DOCK1: variants seen among roughly 807,000 people sequenced by gnomAD.
DOCK1 encodes the protein dedicator of cytokinesis 1.
Under a neutral mutation model 262.7 loss-of-function variants are expected in DOCK1, and 138 were observed. That is an observed-to-expected ratio of 0.53 (90% CI 0.46 to 0.61). DOCK1 has a LOEUF of 0.61. Among genes scored for constraint, DOCK1 ranks in the 20% least tolerant of loss-of-function variants. The pLI, the probability that DOCK1 is intolerant of heterozygous loss-of-function variation, is 0.00. For missense variants in DOCK1, 1,908 were observed against 2,370.7 expected (o/e 0.80, Z 4.05); for synonymous variants, 866 against 867.4 (o/e 1.00, Z 0.03).
At chr10:126,919,040 C>G (rs575230732) in intron 1 of DOCK1, among the ~76,000 whole-genome samples, 1 of 149,026 alleles carries the variant, frequency 6.7e-6, no homozygotes, top group East Asian at 2.1e-4. Flanking sequence ...TCATTAGGAG[C>G]TGGCTGTGTT....
At chr10:127,081,058 A>G (rs964240519) in intron 23 of DOCK1, among the ~76,000 whole-genome samples, 3 of 152,202 alleles carry the variant, frequency 2.0e-5, no homozygotes, top group African/African-American at 7.2e-5. Flanking sequence ...TTTTGGCAAA[A>G]TAAATACTAT....
chr10:126,996,700 G>A (rs1311458002), intron 6 of DOCK1, 48 bp from the exon 7 acceptor site: 1 of 1,510,148 alleles, frequency 6.6e-7, no homozygotes, highest in Admixed American at 2.3e-5. Flanking sequence ...AGAAAATTCA[G>A]CCTCCTTGGT....
intron 29 of DOCK1, among the ~76,000 whole-genome samples, chr10:127,259,000 G>A (rs781041059): frequency 7.9e-5 from 12 of 152,212 alleles, no homozygotes; most frequent in Non-Finnish European, 1.5e-4. Flanking sequence ...CTTGTGTACC[G>A]TGGCTGCGGG....
At chr10:127,274,197 G>T (rs537557061) in intron 29 of DOCK1, among the ~76,000 whole-genome samples, 2 of 152,090 alleles carry the variant, frequency 1.3e-5, no homozygotes, top group Non-Finnish European at 2.9e-5. Flanking sequence ...CCTGGCTACC[G>T]TTGATATTCT....
intron 48 of DOCK1, among the ~76,000 whole-genome samples, chr10:127,438,748 G>T (rs890545447): frequency 6.6e-6 from 1 of 152,170 alleles, no homozygotes; most frequent in Non-Finnish European, 1.5e-5. Flanking sequence ...TCCTCCCATC[G>T]TAAATGAACA....
chr10:126,927,834 A>G (rs1014599007), intron 1 of DOCK1, among the ~76,000 whole-genome samples: 2 of 152,164 alleles, frequency 1.3e-5, no homozygotes, highest in Non-Finnish European at 2.9e-5. Context: ...GTGAAGAACA[A>G]CACCAGCTTG....
intron 29 of DOCK1, among the ~76,000 whole-genome samples, chr10:127,303,191 G>A (rs1009796897): frequency 6.6e-6 from 1 of 152,168 alleles, no homozygotes; most frequent in Admixed American, 6.6e-5. Flanking sequence ...CAACCTGGGT[G>A]GGGCAGGTGA....
At chr10:127,171,728 G>C (rs1307727739) in intron 27 of DOCK1, among the ~76,000 whole-genome samples, 1 of 152,088 alleles carries the variant, frequency 6.6e-6, no homozygotes, top group Non-Finnish European at 1.5e-5. Context: ...TTTTGAGATG[G>C]AGTCTCGCTC....
chr10:126,948,634 G>A (rs1591405008), intron 1 of DOCK1, among the ~76,000 whole-genome samples: 3 of 151,978 alleles, frequency 2.0e-5, no homozygotes, highest in Non-Finnish European at 2.9e-5. Flanking sequence ...GTTTCCCGAT[G>A]TGGGGTTGCA....
chr10:127,026,686 A>G (rs1157382857), intron 16 of DOCK1, among the ~76,000 whole-genome samples: 1 of 151,998 alleles, frequency 6.6e-6, no homozygotes, highest in Non-Finnish European at 1.5e-5. Context: ...TTCCGTGTTG[A>G]CTTGCCATCC....
intron 1 of DOCK1, among the ~76,000 whole-genome samples, chr10:126,924,595 A>G (rs2033532864): frequency 6.6e-6 from 1 of 152,216 alleles, no homozygotes; most frequent in Non-Finnish European, 1.5e-5. Flanking sequence ...TTAAAAAGCA[A>G]TTTAACAGAA....
chr10:127,062,603 G>A (rs2045607106), intron 23 of DOCK1, among the ~76,000 whole-genome samples: 2 of 152,178 alleles, frequency 1.3e-5, no homozygotes, highest in Non-Finnish European at 2.9e-5. Flanking sequence ...GAAAGGCCCC[G>A]GAGCCTCTTT....
At chr10:127,156,233 C>G (rs756437443) in intron 27 of DOCK1, among the ~76,000 whole-genome samples, 55 of 152,260 alleles carry the variant, frequency 3.6e-4, no homozygotes, top group Non-Finnish European at 7.4e-4. Flanking sequence ...GAGCCCTGAG[C>G]CTTCTAATTA....
intron 1 of DOCK1, among the ~76,000 whole-genome samples, chr10:126,916,088 A>G (rs112024744): frequency 1.1e-3 from 165 of 151,940 alleles, no homozygotes; most frequent in African/African-American, 3.6e-3. Flanking sequence ...AGCCTGAATA[A>G]TAGGGTCTGG....
intron 27 of DOCK1, among the ~76,000 whole-genome samples, chr10:127,236,152 A>C (rs2134626961): frequency 6.6e-6 from 1 of 152,252 alleles, no homozygotes; most frequent in South Asian, 2.1e-4. Flanking sequence ...TTAAAATTTT[A>C]TGTTTCATGC....
Position 127,248,100 on chromosome 10 carries a change from T to C in DOCK1, c.2940T>C (p.Thr980=), listed in dbSNP as rs1352705293. 1.2e-6 allele frequency: 2 copies of C among 1,613,860 alleles called. No individual in the cohort carries two copies. Among genetic ancestry groups the C allele is most frequent in the Non-Finnish European group, 8.5e-7 (1 of 1,179,790 alleles). ...TCAAGACTTTTGGGAAAATGAGGAC[T>C]GATGTGGTAGTAAGTGTCCCTTTCA... ...HLIKTFGKMR[T]DVVDFLMETF... is the part of the protein sequence containing the mutation. The change falls in exon 28 of 52, where the codon ACT becomes ACC. Residue 980 remains threonine (T), a synonymous_variant. Transcript: ENST00000623213.
chr10:127,170,341 C>T (rs769050833), intron 27 of DOCK1, among the ~76,000 whole-genome samples: 1 of 152,170 alleles, frequency 6.6e-6, no homozygotes, highest in African/African-American at 2.4e-5. Context: ...GCTCTCTCCC[C>T]CTACCCCAAG....
At chr10:127,041,879 C>T (rs766789246) in intron 19 of DOCK1, among the ~76,000 whole-genome samples, 1 of 152,220 alleles carries the variant, frequency 6.6e-6, no homozygotes, top group Non-Finnish European at 1.5e-5. Context: ...TCTTCTTGAC[C>T]TTCTCTTCTA....
intron 16 of DOCK1, 53 bp downstream of exon 16, chr10:127,026,477 G>A (rs1213681179): frequency 2.0e-6 from 3 of 1,512,902 alleles, no homozygotes; most frequent in Non-Finnish European, 1.8e-6. Flanking sequence ...AGAACTGGGG[G>A]AAAGCGCGAG....
Sources: allele counts gnomAD v4.1 joint callset (sites outside exome capture counted in the v4.1 genomes callset), GRCh38; gene constraint gnomAD v4.1.1; transcripts MANE v1.5; gene names NCBI Gene and HGNC (gene_info 2026-07-23, HGNC 2026-07-21).